Variants in ZNF229 observed in about 807,000 individuals in gnomAD.
ZNF229 encodes the protein zinc finger protein 229.
ZNF229 carries 10 observed loss-of-function variants against 11.8 expected under a neutral mutation model. The ratio of observed to expected loss-of-function variants is 0.85; its 90% CI spans 0.52 to 1.44. The LOEUF is 1.44. ZNF229 is among the 40% of genes most tolerant of loss of function. ZNF229 has a pLI of 0.00. For missense variants in ZNF229, 1,045 were observed against 1,015.1 expected (o/e 1.03, Z -0.40); for synonymous variants, 368 against 374.8 (o/e 0.98, Z 0.21).
In ZNF229 at chr19:44,442,826, G is replaced by A. The variant is rs763622103; in HGVS notation, c.22C>T (p.His8Tyr). Residue 8 changes from histidine to tyrosine, a missense_variant, in exon 3 of 6, where the codon CAT becomes TAT. Physicochemically the swap from His to Tyr is moderately conservative, Grantham distance 83. Transcript: ENST00000614049. ...TATTAGCTGTCACCTCTTTTCTCATGCCTTGAGGTCAAAGTCTCCATGGTC... is the reference window on the plus strand; with the variant it reads ...TATTAGCTGTCACCTCTTTTCTCATACCTTGAGGTCAAAGTCTCCATGGTC... METLTSR[H>Y]EKRALHSQAS... The A allele has an allele frequency of 6.7e-7, 1 of 1,496,108 alleles. No homozygotes were observed. Among genetic ancestry groups the A allele is most frequent in the Non-Finnish European group, 9.1e-7 (1 of 1,100,054 alleles). 92.7% of individuals were successfully genotyped at this position (1,496,108 alleles called of 1,614,324 possible). A position where few individuals can be genotyped will look rare whatever the true frequency, so the allele number is the denominator to read the frequency against.
chr19:44,444,307 T>C (rs377452638), intron 2 of ZNF229, among the ~76,000 whole-genome samples: 12 of 152,306 alleles, frequency 7.9e-5, no homozygotes, highest in African/African-American at 2.4e-4. Context: ...TTGGGCTGTC[T>C]ACTCTAGGAC....
intron 2 of ZNF229, among the ~76,000 whole-genome samples, chr19:44,446,518 T>A (rs369462529): frequency 2.4e-4 from 36 of 152,304 alleles, no homozygotes; most frequent in African/African-American, 7.9e-4. Flanking sequence ...TTTCTCTCTT[T>A]CACACACACA....
Position 44,429,939 on chromosome 19 carries a change from G to A in ZNF229, c.842C>T (p.Pro281Leu), listed in dbSNP as rs773970833. ...TTTCAAAGGTACTCTTGGATGCGGGGGAAGGTCTGCATCGTCCCTGAAGCC... is the reference window on the plus strand; with the variant it reads ...TTTCAAAGGTACTCTTGGATGCGGGAGAAGGTCTGCATCGTCCCTGAAGCC... ...RNGFRDDADLPPHPRVPLKEK... is the reference protein window; with the variant it reads ...RNGFRDDADLLPHPRVPLKEK... Residue 281 changes from proline (P) to leucine (L), a missense_variant, in exon 6 of 6, where the codon CCC (proline) becomes CTC (leucine). Physicochemically the swap from Pro to Leu is moderately conservative, Grantham distance 98. Coordinates refer to ENST00000614049, the MANE Select transcript of ZNF229 (RefSeq NM_014518.4). The A allele has an allele frequency of 6.2e-7, 1 of 1,613,992 alleles. No individual in the cohort carries two copies. The highest frequency in any genetic ancestry group is 8.5e-7 in the Non-Finnish European group (1 of 1,179,966).
In ZNF229 at chr19:44,430,387, G is replaced by C; in HGVS notation, c.394C>G (p.Gln132Glu). ...TGGGGAGCAGCATCTTCTGAGAACT[G>C]GAAGTCTTTTCCTTGCAGATTTACT... ...CRVNLQGKDF[Q>E]FSEDAAPHQG... Residue 132 changes from glutamine to glutamate, a missense_variant, in exon 6 of 6, where the codon CAG becomes GAG. By Grantham distance (29) the Gln-to-Glu change is conservative (BLOSUM62 2). Coordinates refer to ENST00000614049, the MANE Select transcript of ZNF229 (RefSeq NM_014518.4). The C allele has an allele frequency of 6.2e-7, 1 of 1,614,146 alleles. No homozygotes were observed. The highest frequency in any genetic ancestry group is 8.5e-7 in the Non-Finnish European group (1 of 1,180,036).
At chr19:44,439,762 GA>G (rs1971875961) in intron 4 of ZNF229, among the ~76,000 whole-genome samples, 1 of 152,092 alleles carries the variant, frequency 6.6e-6, no homozygotes, top group Non-Finnish European at 1.5e-5. Flanking sequence ...TTTTTAAAAA[GA>G]AGGTAACATA....
In ZNF229 at chr19:44,426,609, T is replaced by C. The variant is rs1971576426; in HGVS notation, c.*1694A>G. 1 of 152,202 alleles carries C rather than the reference T, an allele frequency of 6.6e-6. No individual in the cohort carries two copies. Among genetic ancestry groups the C allele is most frequent in the South Asian group, 2.1e-4 (1 of 4,830 alleles). 9.4% of individuals were successfully genotyped at this position (152,202 alleles called of 1,614,324 possible). A position where few individuals can be genotyped will look rare whatever the true frequency, so the allele number is the denominator to read the frequency against. ...CTGAAGATTTCTAGTGGCTTTCCATTGCATACATATGCCTGAACTTATCTA... is the reference window on the plus strand; with the variant it reads ...CTGAAGATTTCTAGTGGCTTTCCATCGCATACATATGCCTGAACTTATCTA... On this transcript the variant is annotated 3_prime_UTR_variant, in exon 6 of 6. Transcript: ENST00000614049.
chr19:44,432,233 C>T lies in ZNF229; in HGVS notation c.227G>A (p.Arg76Lys). 1 of 1,612,226 alleles carries T rather than the reference C, an allele frequency of 6.2e-7. No individual in the cohort carries two copies. The highest frequency in any genetic ancestry group is 1.7e-5 in the Admixed American group (1 of 59,474). The change falls in exon 5 of 6, where the codon AGG becomes AAG. Residue 76 changes from arginine (R) to lysine (K), a missense_variant. Transcript: ENST00000614049. ...TCAGTTCCAATTACCCAGAGGATTC[C>T]TCTCACCCACTGAGAGTAGGTTCCT... ...NFRNLLSVGERNPLGDKNGKD... is the reference protein window; with the variant it reads ...NFRNLLSVGEKNPLGDKNGKD...
At chr19:44,442,687 G>A (rs1971934611) in intron 3 of ZNF229, 66 bp from the exon 4 acceptor site, 2 of 1,603,158 alleles carry the variant, frequency 1.2e-6, no homozygotes, top group Non-Finnish European at 8.5e-7. Context: ...TCATCTACCT[G>A]GTAGGAAGGT....
intron 4 of ZNF229, among the ~76,000 whole-genome samples, chr19:44,434,542 T>C (rs1971778996): frequency 6.6e-6 from 1 of 151,736 alleles, no homozygotes; most frequent in South Asian, 2.1e-4. Context: ...TGAGAATAAA[T>C]GGCAGTCATG....
chr19:44,446,721 G>GA (rs1972008896), intron 2 of ZNF229, among the ~76,000 whole-genome samples: 1 of 152,180 alleles, frequency 6.6e-6, no homozygotes, highest in Non-Finnish European at 1.5e-5. Flanking sequence ...AGATGGAAAA[G>GA]GTAATTGTTC....
chr19:44,446,104 G>T (rs1398655255), intron 2 of ZNF229, among the ~76,000 whole-genome samples: 1 of 152,204 alleles, frequency 6.6e-6, no homozygotes, highest in Non-Finnish European at 1.5e-5. Flanking sequence ...CACATTGGGG[G>T]AGAAAGAGGG....
intron 2 of ZNF229, among the ~76,000 whole-genome samples, chr19:44,443,372 C>CA (rs1391608803): frequency 6.6e-6 from 1 of 152,022 alleles, no homozygotes; most frequent in East Asian, 1.9e-4. Context: ...GTTTGACTTG[C>CA]AAAAAATAAA....
At chr19:44,446,073 A>T (rs1337785645) in intron 2 of ZNF229, among the ~76,000 whole-genome samples, 1 of 152,184 alleles carries the variant, frequency 6.6e-6, no homozygotes, top group Non-Finnish European at 1.5e-5. Context: ...CTTAGGATAC[A>T]TTTCTGGACT....
intron 2 of ZNF229, among the ~76,000 whole-genome samples, chr19:44,444,749 G>A (rs1971976147): frequency 1.3e-5 from 2 of 152,206 alleles, no homozygotes; most frequent in African/African-American, 4.8e-5. Flanking sequence ...GACAAAGTGA[G>A]TCCAGGGGCC....
rs1163284682 is a variant in ZNF229 at position 44,443,899 on chromosome 19, A to T, written c.-177-875T>A. On this transcript the variant is annotated intron_variant, in intron 2 of 5. Coordinates refer to ENST00000614049, the MANE Select transcript of ZNF229 (RefSeq NM_014518.4). ...TATGCTCATGGAGCCCAGGGCAAGA[A>T]TTCCTTTTCAAAATTAAGCCTCTTC... is the stretch of plus-strand genomic sequence containing the variant. Among the ~76,000 whole-genome samples the T allele has an allele frequency of 2.6e-5, 4 of 152,224 alleles. No individual in the cohort carries two copies. In the East Asian group the frequency reaches 7.7e-4, roughly 29 times the overall value.
At chr19:44,444,174 A>G (rs1029671500) in intron 2 of ZNF229, among the ~76,000 whole-genome samples, 1 of 152,166 alleles carries the variant, frequency 6.6e-6, no homozygotes, top group African/African-American at 2.4e-5. Context: ...ATCTGCTCAG[A>G]GCTACTCGGG....
intron 4 of ZNF229, among the ~76,000 whole-genome samples, chr19:44,435,470 A>T (rs1267379705): frequency 6.6e-6 from 1 of 152,190 alleles, no homozygotes; most frequent in Non-Finnish European, 1.5e-5. Flanking sequence ...CTGAAGTCAC[A>T]CAGATATGCT....
At chr19:44,438,685 T>C (rs1971855836) in intron 4 of ZNF229, among the ~76,000 whole-genome samples, 1 of 152,040 alleles carries the variant, frequency 6.6e-6, no homozygotes, top group Non-Finnish European at 1.5e-5. Flanking sequence ...TCCCCCAACC[T>C]CCAGTGAGGG....
chr19:44,448,048 A>T (rs926052), intron 1 of ZNF229, among the ~76,000 whole-genome samples: 58,353 of 152,060 alleles, frequency 0.38, 12,482 homozygotes, highest in South Asian at 0.6. Flanking sequence ...ACAGGGAATC[A>T]ACTTCCTGTT....
Sources: allele counts gnomAD v4.1 joint callset (sites outside exome capture counted in the v4.1 genomes callset), GRCh38; gene constraint gnomAD v4.1.1; transcripts MANE v1.5; gene names NCBI Gene and HGNC (gene_info 2026-07-23, HGNC 2026-07-21).